ANKS1B: variants seen among roughly 807,000 people sequenced by gnomAD.
The protein encoded by ANKS1B is ankyrin repeat and sterile alpha motif domain containing 1B.
Under a neutral mutation model 148.3 loss-of-function variants are expected in ANKS1B, and 36 were observed. The ratio of observed to expected loss-of-function variants is 0.24; its 90% CI spans 0.19 to 0.32. ANKS1B has a LOEUF of 0.32. ANKS1B is among the 10% of genes least tolerant of loss of function. ANKS1B has a pLI of 1.00. For missense variants in ANKS1B, 1,157 were observed against 1,542.6 expected (o/e 0.75, Z 4.19); for synonymous variants, 542 against 560.8 (o/e 0.97, Z 0.47).
chr12:99,614,630 A>G (rs2097935089), intron 9 of ANKS1B, among the ~76,000 whole-genome samples: 1 of 151,972 alleles, frequency 6.6e-6, no homozygotes, highest in Non-Finnish European at 1.5e-5. Flanking sequence ...TCCTATACAA[A>G]TGCACCAACA....
At chr12:98,896,548 G>A (rs895092337) in intron 17 of ANKS1B, among the ~76,000 whole-genome samples, 2 of 152,164 alleles carry the variant, frequency 1.3e-5, no homozygotes, top group African/African-American at 4.8e-5. Flanking sequence ...GCCACTGTCT[G>A]CTTCTGTGAG....
At chr12:98,945,825 T>C (rs2099844618) in intron 17 of ANKS1B, among the ~76,000 whole-genome samples, 1 of 152,214 alleles carries the variant, frequency 6.6e-6, no homozygotes, top group African/African-American at 2.4e-5. Context: ...GCTCATGTGC[T>C]ACTGAATTCA....
chr12:98,953,467 T>A (rs1278342877), intron 17 of ANKS1B, among the ~76,000 whole-genome samples: 2 of 152,008 alleles, frequency 1.3e-5, no homozygotes, highest in Non-Finnish European at 2.9e-5. Flanking sequence ...ATTTTCAGCT[T>A]TTTAATTGGC....
intron 1 of ANKS1B, among the ~76,000 whole-genome samples, chr12:99,898,044 G>C (rs932213619): frequency 2.8e-4 from 43 of 151,994 alleles, no homozygotes; most frequent in Non-Finnish European, 5.3e-4. Flanking sequence ...ATATTAAATA[G>C]CAACACATAT....
At chr12:99,006,197 A>C (rs2099936065) in intron 17 of ANKS1B, among the ~76,000 whole-genome samples, 1 of 152,164 alleles carries the variant, frequency 6.6e-6, no homozygotes, top group Non-Finnish European at 1.5e-5. Flanking sequence ...CTTTGACCAA[A>C]GTTTATTTCT....
At chr12:99,851,775 A>C (rs1170266859) in intron 1 of ANKS1B, among the ~76,000 whole-genome samples, 2 of 152,310 alleles carry the variant, frequency 1.3e-5, no homozygotes, top group South Asian at 4.1e-4. Context: ...CAGGAACAAA[A>C]AGCCTTTTGC....
chr12:99,898,091 AC>A, intron 1 of ANKS1B, among the ~76,000 whole-genome samples: 1 of 152,294 alleles, frequency 6.6e-6, no homozygotes, highest in Admixed American at 6.5e-5. Context: ...ATAAGGCTAA[AC>A]AAATATTTGC....
intron 17 of ANKS1B, among the ~76,000 whole-genome samples, chr12:98,931,276 G>T (rs2099813472): frequency 6.6e-6 from 1 of 152,120 alleles, no homozygotes; most frequent in African/African-American, 2.4e-5. Flanking sequence ...AACTGAAGTA[G>T]AACTTCAAAT....
intron 8 of ANKS1B, among the ~76,000 whole-genome samples, chr12:99,750,762 G>T (rs927426745): frequency 2.6e-5 from 4 of 152,044 alleles, no homozygotes; most frequent in Non-Finnish European, 5.9e-5. Flanking sequence ...GACCTTGAAA[G>T]GTTGTGCTCA....
At chr12:99,129,362 A>G (rs1414616498) in intron 15 of ANKS1B, among the ~76,000 whole-genome samples, 1 of 152,104 alleles carries the variant, frequency 6.6e-6, no homozygotes, top group East Asian at 1.9e-4. Context: ...AAGAAATGTG[A>G]CATGTAGCAT....
At chr12:99,509,536 GAGCA>G (rs2096743596) in intron 9 of ANKS1B, among the ~76,000 whole-genome samples, 1 of 151,936 alleles carries the variant, frequency 6.6e-6, no homozygotes, top group African/African-American at 2.4e-5. Flanking sequence ...TCCTAATCCA[GAGCA>G]AGACTCTAAT....
chr12:99,819,820 G>T (rs2082297579), intron 2 of ANKS1B, among the ~76,000 whole-genome samples: 1 of 151,126 alleles, frequency 6.6e-6, no homozygotes, highest in African/African-American at 2.4e-5. Context: ...GAGGAGAAAA[G>T]TCAGAAAGAA....
intron 9 of ANKS1B, among the ~76,000 whole-genome samples, chr12:99,517,070 T>C (rs1251559306): frequency 6.6e-6 from 1 of 152,174 alleles, no homozygotes; most frequent in Non-Finnish European, 1.5e-5. Context: ...GGTATTTGAG[T>C]AGGGATTGCA....
At chr12:99,030,926 G>A (rs1254092817) in intron 17 of ANKS1B, among the ~76,000 whole-genome samples, 1 of 152,128 alleles carries the variant, frequency 6.6e-6, no homozygotes. Context: ...CTCTCTTTCT[G>A]AATCCGTCTA....
chr12:98,999,005 A>G (rs2099931334), intron 17 of ANKS1B, among the ~76,000 whole-genome samples: 1 of 152,258 alleles, frequency 6.6e-6, no homozygotes, highest in Non-Finnish European at 1.5e-5. Context: ...GGGTCATAAT[A>G]GAAATAGTAA....
rs2095905370 is a variant in ANKS1B, at chr12:99,459,352, A to T, written c.1439-15543T>A. Among the ~76,000 whole-genome samples, 3 of 152,248 alleles carry T rather than the reference A, an allele frequency of 2.0e-5. No individual in the cohort carries two copies. In the South Asian group the frequency reaches 6.2e-4, roughly 32 times the overall value. ...CATTCCCCCTGAGAACTGGAACAAGACAAGGATGCCCACTTTCACCACTTC... is the reference window on the plus strand; with the variant it reads ...CATTCCCCCTGAGAACTGGAACAAGTCAAGGATGCCCACTTTCACCACTTC... On this transcript the variant is annotated intron_variant, in intron 10 of 26. Coordinates refer to ENST00000683438, the MANE Select transcript of ANKS1B (RefSeq NM_001352186.2).
At chr12:99,879,578 G>A in intron 1 of ANKS1B, among the ~76,000 whole-genome samples, 1 of 152,110 alleles carries the variant, frequency 6.6e-6, no homozygotes, top group Admixed American at 6.5e-5. Flanking sequence ...AGATTCTGCA[G>A]GATGAATCAG....
intron 15 of ANKS1B, among the ~76,000 whole-genome samples, chr12:99,101,441 T>C (rs546524164): frequency 1.3e-5 from 2 of 152,340 alleles, no homozygotes; most frequent in South Asian, 2.1e-4. Context: ...TGATTAAATA[T>C]AGGTATTGGT....
intron 11 of ANKS1B, among the ~76,000 whole-genome samples, chr12:99,412,544 T>C (rs1191936394): frequency 1.3e-5 from 2 of 152,238 alleles, no homozygotes; most frequent in South Asian, 2.1e-4. Flanking sequence ...TCCACCAGTG[T>C]TGGATGGTGG....
Sources: gnomAD v4.1 joint callset for allele counts (sites outside exome capture counted in the v4.1 genomes callset) on GRCh38, gnomAD v4.1.1 for gene constraint, MANE v1.5 for transcripts, NCBI Gene and HGNC (gene_info 2026-07-23, HGNC 2026-07-21) for gene names.